NECAB1: variants seen among roughly 807,000 people sequenced by gnomAD.
The protein encoded by NECAB1 is N-terminal EF-hand calcium-binding protein 1.
A neutral mutation model predicts 57.5 loss-of-function variants in NECAB1; 29 were observed. The ratio of observed to expected loss-of-function variants is 0.50; its 90% CI spans 0.38 to 0.69. The LOEUF (loss-of-function observed/expected upper bound fraction) is 0.69. Ranked by LOEUF, NECAB1 falls within the 30% of genes least tolerant of loss-of-function variation. The pLI, the probability that NECAB1 is intolerant of heterozygous loss-of-function variation, is 0.00. For synonymous variants in NECAB1, 142 were observed against 147.7 expected (o/e 0.96, Z 0.28); for missense variants, 372 against 413.8 (o/e 0.90, Z 0.88).
chr8:90,842,224 G>A (rs1199135530), intron 3 of NECAB1, among the ~76,000 whole-genome samples: 1 of 152,138 alleles, frequency 6.6e-6, no homozygotes, highest in East Asian at 1.9e-4. Flanking sequence ...AAAAGGTGGA[G>A]CCTGGGGAGT....
chr8:90,804,927 G>A (rs1301114823), intron 2 of NECAB1, among the ~76,000 whole-genome samples: 1 of 152,188 alleles, frequency 6.6e-6, no homozygotes, highest in Non-Finnish European at 1.5e-5. Context: ...CCAGGCAAGT[G>A]CCTGGAATGT....
At chr8:90,906,907 A>ATGTATGTATG (rs1563528380) in intron 5 of NECAB1, among the ~76,000 whole-genome samples, 1 of 57,306 alleles carries the variant, frequency 1.7e-5, no homozygotes, top group Non-Finnish European at 3.0e-5. Context: ...ATATATATAT[A>ATGTATGTATG]TATCTTCTCA....
At chr8:90,864,977 T>A (rs1808483148) in intron 3 of NECAB1, among the ~76,000 whole-genome samples, 1 of 151,972 alleles carries the variant, frequency 6.6e-6, no homozygotes, top group African/African-American at 2.4e-5. Context: ...CAGGGTGGGT[T>A]AGACTGGGGT....
chr8:90,914,264 TA>T (rs1809898390), intron 5 of NECAB1, among the ~76,000 whole-genome samples: 1 of 152,176 alleles, frequency 6.6e-6, no homozygotes, highest in Admixed American at 6.5e-5. Flanking sequence ...TGAAAAATTC[TA>T]CATCCTATGA....
At position 90,940,806 on chromosome 8, in the gene NECAB1, G is replaced by A. The variant is rs759998898; in HGVS notation, c.768G>A (p.Arg256=). ...NTKSHIMLVQ[R]QMSVIEEDLE... ...GGCAGCACATCATGCTTGTGCAGCG[G>A]CAGATGTCTGTGATAGAAGAGGACC... The change falls in exon 10 of 13, where the codon CGG becomes CGA. Residue 256 remains arginine, a synonymous_variant. Transcript: ENST00000417640. The A allele has an allele frequency of 6.4e-7, 1 of 1,561,732 alleles. No homozygotes were observed.
chr8:90,920,944 A>G (rs1276764219), intron 6 of NECAB1, among the ~76,000 whole-genome samples: 1 of 152,238 alleles, frequency 6.6e-6, no homozygotes, highest in Admixed American at 6.5e-5. Flanking sequence ...TGAGGAGACC[A>G]ATCTAACAGT....
chr8:90,958,730 G>A lies in NECAB1; in HGVS notation c.*3218G>A, dbSNP rs1397004295. On this transcript the variant is annotated 3_prime_UTR_variant, in exon 13 of 13. Coordinates refer to ENST00000417640, the MANE Select transcript of NECAB1 (RefSeq NM_022351.5). ...GATGAAAAACAAAAAATTGCAAGTA[G>A]TATGCAAATTATAAATATACAGTCT... 5 of 319,284 alleles carry A rather than the reference G, an allele frequency of 1.6e-5. No individual in the cohort carries two copies. The highest frequency in any genetic ancestry group is 2.3e-5 in the Non-Finnish European group (4 of 175,480). 19.8% of individuals were successfully genotyped at this position (319,284 alleles called of 1,614,324 possible).
At chr8:90,794,365 C>G (rs1467674725) in intron 1 of NECAB1, among the ~76,000 whole-genome samples, 2 of 152,002 alleles carry the variant, frequency 1.3e-5, no homozygotes, top group African/African-American at 4.8e-5. Flanking sequence ...TTAAAATTAT[C>G]TTCATATTAT....
chr8:90,920,340 G>A (rs977341418), intron 6 of NECAB1, among the ~76,000 whole-genome samples: 3 of 152,132 alleles, frequency 2.0e-5, no homozygotes, highest in Non-Finnish European at 2.9e-5. Flanking sequence ...ACTGAAGCAC[G>A]TGAATTATGC....
chr8:90,905,859 A>G (rs980548717), intron 5 of NECAB1, among the ~76,000 whole-genome samples: 2 of 152,080 alleles, frequency 1.3e-5, no homozygotes, highest in African/African-American at 4.8e-5. Context: ...ATTATTCTTC[A>G]TCTGTATCTA....
chr8:90,810,512 T>C (rs1244760381), intron 2 of NECAB1, among the ~76,000 whole-genome samples: 1 of 152,092 alleles, frequency 6.6e-6, no homozygotes, highest in Admixed American at 6.6e-5. Context: ...TTTTTGAAAA[T>C]AGGAATAATA....
intron 3 of NECAB1, among the ~76,000 whole-genome samples, chr8:90,848,198 C>T (rs1812605057): frequency 6.6e-6 from 1 of 152,222 alleles, no homozygotes; most frequent in Admixed American, 6.5e-5. Context: ...AAAATGCCAG[C>T]AGTCTATTTG....
rs1389455597 is a variant in NECAB1 at position 90,792,003 on chromosome 8, G to A, written c.99+18G>A. ...TCCTCGACGTAAGTACAGATGGTGG[G>A]AGCTGGGCGGTTGCTTCCCAGCACC... On this transcript the variant is annotated intron_variant, in intron 1 of 12. Transcript: ENST00000417640. 3.2e-6 allele frequency: 5 copies of A among 1,546,416 alleles called. No homozygotes were observed. Among genetic ancestry groups the A allele is most frequent in the Non-Finnish European group, 4.4e-6 (5 of 1,142,792 alleles).
chr8:90,948,345 C>G (rs1186545651), intron 10 of NECAB1, among the ~76,000 whole-genome samples: 1 of 151,906 alleles, frequency 6.6e-6, no homozygotes, highest in East Asian at 1.9e-4. Flanking sequence ...TGAAGTTGAG[C>G]TAAAAACAAT....
chr8:90,929,799 G>A (rs751220378), intron 8 of NECAB1, among the ~76,000 whole-genome samples: 1 of 147,088 alleles, frequency 6.8e-6, no homozygotes, highest in Non-Finnish European at 1.5e-5. Flanking sequence ...TTTCAGTAGA[G>A]GATAGCTGGA....
At chr8:90,936,530 G>A (rs1810543383) in intron 9 of NECAB1, among the ~76,000 whole-genome samples, 1 of 152,126 alleles carries the variant, frequency 6.6e-6, no homozygotes, top group African/African-American at 2.4e-5. Context: ...TTCAACCCCA[G>A]ACCTATGCTC....
At chr8:90,803,661 C>T (rs1391325346) in intron 2 of NECAB1, among the ~76,000 whole-genome samples, 1 of 152,280 alleles carries the variant, frequency 6.6e-6, no homozygotes, top group South Asian at 2.1e-4. Context: ...TACCGCCTCT[C>T]CTAATGTCCA....
intron 2 of NECAB1, among the ~76,000 whole-genome samples, chr8:90,820,757 A>G (rs1051031677): frequency 2.0e-5 from 3 of 151,752 alleles, no homozygotes; most frequent in African/African-American, 7.3e-5. Context: ...GTCATTAAAC[A>G]TACCTTAAAT....
chr8:90,854,954 G>T (rs1191540068), intron 3 of NECAB1, among the ~76,000 whole-genome samples: 1 of 152,180 alleles, frequency 6.6e-6, no homozygotes, highest in East Asian at 1.9e-4. Flanking sequence ...CTAGTCCAAT[G>T]TCTGACCAAG....
Sources: gnomAD v4.1 joint callset for allele counts (sites outside exome capture counted in the v4.1 genomes callset) on GRCh38, gnomAD v4.1.1 for gene constraint, MANE v1.5 for transcripts, NCBI Gene and HGNC (gene_info 2026-07-23, HGNC 2026-07-21) for gene names.